The following SERTAD2 variants were observed in gnomAD, a reference collection of about 807,000 sequenced individuals.
The protein encoded by SERTAD2 is SERTA domain containing 2.
A neutral mutation model predicts 15.4 loss-of-function variants in SERTAD2; 2 were observed. That is an observed-to-expected ratio of 0.13 (90% CI 0.05 to 0.41). SERTAD2 has a LOEUF of 0.41. Ranked by LOEUF, SERTAD2 falls within the 10% of genes least tolerant of loss-of-function variation. The pLI is 0.99. For synonymous variants in SERTAD2, 180 were observed against 178.0 expected, an observed-to-expected ratio of 1.01 and a Z score of -0.09; for missense variants, 333 against 409.7, an observed-to-expected ratio of 0.81 and a Z score of 1.62.
chr2:64,633,746 G>C lies in SERTAD2; in HGVS notation c.*2181C>G, dbSNP rs917416692. 6.6e-6 allele frequency: 1 copy of C among 152,226 alleles called. No individual in the cohort carries two copies. Among genetic ancestry groups the C allele is most frequent in the African/African-American group, 2.4e-5 (1 of 41,458 alleles). 9.4% of individuals were successfully genotyped at this position (152,226 alleles called of 1,614,324 possible). Reference sequence around the variant, plus strand: ...TATTAAAGGAAATGACACACCTGTAGCAGTACGAGGTGTCTGCGTGGAGGT... The same window carrying C: ...TATTAAAGGAAATGACACACCTGTACCAGTACGAGGTGTCTGCGTGGAGGT... On this transcript the variant is annotated 3_prime_UTR_variant, in exon 2 of 2. Coordinates refer to ENST00000313349, the MANE Select transcript of SERTAD2 (RefSeq NM_014755.3).
At chr2:64,652,666 C>T (rs1028586890) in intron 1 of SERTAD2, among the ~76,000 whole-genome samples, 2 of 152,320 alleles carry the variant, frequency 1.3e-5, no homozygotes, top group South Asian at 4.1e-4. Context: ...CTGTCTCACT[C>T]TGCTGACTGT....
intron 1 of SERTAD2, among the ~76,000 whole-genome samples, chr2:64,649,547 G>A (rs1674969400): frequency 2.0e-5 from 3 of 152,168 alleles, no homozygotes; most frequent in African/African-American, 7.2e-5. Flanking sequence ...CTTAGAGAAT[G>A]CTTAGCTTCT....
intron 1 of SERTAD2, among the ~76,000 whole-genome samples, chr2:64,648,909 A>G (rs760617243): frequency 6.6e-6 from 1 of 152,166 alleles, no homozygotes; most frequent in Non-Finnish European, 1.5e-5. Context: ...GCAGAGAGGC[A>G]GAGCAAAAAT....
At chr2:64,638,853 T>G (rs1456212078) in intron 1 of SERTAD2, among the ~76,000 whole-genome samples, 1 of 152,252 alleles carries the variant, frequency 6.6e-6, no homozygotes, top group Non-Finnish European at 1.5e-5. Flanking sequence ...TGTATTTACT[T>G]TGCATAGAAC....
intron 1 of SERTAD2, among the ~76,000 whole-genome samples, chr2:64,646,250 CT>C (rs1395452568): frequency 6.6e-6 from 1 of 152,194 alleles, no homozygotes; most frequent in Non-Finnish European, 1.5e-5. Flanking sequence ...GCTTTGTACT[CT>C]TCCTTTTACT....
At chr2:64,647,242 A>G (rs1263059353) in intron 1 of SERTAD2, among the ~76,000 whole-genome samples, 2 of 152,208 alleles carry the variant, frequency 1.3e-5, no homozygotes, top group African/African-American at 2.4e-5. Context: ...AAATGTTATA[A>G]TGAGTCTCCA....
At chr2:64,641,448 A>G (rs182666727) in intron 1 of SERTAD2, among the ~76,000 whole-genome samples, 34 of 152,334 alleles carry the variant, frequency 2.2e-4, no homozygotes, top group Admixed American at 1.1e-3. Flanking sequence ...TTGTCTCTTC[A>G]TATCTGTTTC....
chr2:64,641,476 G>A (rs1558653704), intron 1 of SERTAD2, among the ~76,000 whole-genome samples: 1 of 152,270 alleles, frequency 6.6e-6, no homozygotes, highest in East Asian at 1.9e-4. Flanking sequence ...AAGATAGTGA[G>A]CCCCCTAGGG....
intron 1 of SERTAD2, among the ~76,000 whole-genome samples, chr2:64,652,729 G>A (rs1861402): frequency 0.91 from 139,143 of 152,232 alleles, 63,672 homozygotes; most frequent in African/African-American, 0.94. Context: ...GAAACGACTC[G>A]GCTTGCAAGC....
At chr2:64,637,044 A>G (rs935108525) in intron 1 of SERTAD2, among the ~76,000 whole-genome samples, 169 bp from the exon 2 acceptor site, 6 of 152,222 alleles carry the variant, frequency 3.9e-5, no homozygotes, top group African/African-American at 7.2e-5. Flanking sequence ...ACCTTTTACA[A>G]TAAGAGAGAG....
Position 64,634,294 on chromosome 2 carries a change from T to A in SERTAD2, c.*1633A>T, listed in dbSNP as rs1217757235. ...TAAACAGTTTCGGCAACAAGCATGA[T>A]ACATTGCAACCTTTTTAAAATTAAA... On this transcript the variant is annotated 3_prime_UTR_variant, in exon 2 of 2. Coordinates refer to ENST00000313349, the MANE Select transcript of SERTAD2 (RefSeq NM_014755.3). 6.8e-6 allele frequency: 1 copy of A among 147,380 alleles called. No individual in the cohort carries two copies. The highest frequency in any genetic ancestry group is 1.5e-5 in the Non-Finnish European group (1 of 67,594). 9.1% of individuals were successfully genotyped at this position (147,380 alleles called of 1,614,324 possible).
At chr2:64,641,364 T>A (rs954986318) in intron 1 of SERTAD2, among the ~76,000 whole-genome samples, 3 of 152,320 alleles carry the variant, frequency 2.0e-5, no homozygotes, top group Admixed American at 1.3e-4. Flanking sequence ...GAGAGATTAC[T>A]GTGGGCTGGG....
chr2:64,651,227 G>T (rs1675002475), intron 1 of SERTAD2, among the ~76,000 whole-genome samples: 1 of 152,110 alleles, frequency 6.6e-6, no homozygotes, highest in Admixed American at 6.5e-5. Context: ...CACAGCAAAA[G>T]AAACCTCTCA....
At chr2:64,638,216 T>C (rs1031164661) in intron 1 of SERTAD2, among the ~76,000 whole-genome samples, 4 of 152,230 alleles carry the variant, frequency 2.6e-5, no homozygotes, top group Non-Finnish European at 4.4e-5. Flanking sequence ...ATTTCTCTTC[T>C]AAATGCCACT....
At chr2:64,641,803 T>C (rs1300026155) in intron 1 of SERTAD2, among the ~76,000 whole-genome samples, 1 of 152,134 alleles carries the variant, frequency 6.6e-6, no homozygotes, top group Non-Finnish European at 1.5e-5. Context: ...GCAGGAAAGC[T>C]CCAGCTGAGA....
At chr2:64,645,547 T>G (rs536598120) in intron 1 of SERTAD2, among the ~76,000 whole-genome samples, 1 of 152,242 alleles carries the variant, frequency 6.6e-6, no homozygotes, top group Admixed American at 6.5e-5. Context: ...TCCTATTAAA[T>G]TGAAGGCAAT....
chr2:64,650,942 G>A (rs1051549435), intron 1 of SERTAD2, among the ~76,000 whole-genome samples: 11 of 152,150 alleles, frequency 7.2e-5, no homozygotes, highest in South Asian at 2.1e-4. Context: ...AATCAGAGAC[G>A]GCGCCTGCGC....
intron 1 of SERTAD2, among the ~76,000 whole-genome samples, chr2:64,638,361 A>G (rs1255464032): frequency 1.3e-5 from 2 of 152,266 alleles, no homozygotes; most frequent in Non-Finnish European, 2.9e-5. Context: ...GGCCTTCAAG[A>G]GGCTAAATAG....
intron 1 of SERTAD2, among the ~76,000 whole-genome samples, chr2:64,645,735 T>C (rs1443649980): frequency 6.6e-6 from 1 of 152,230 alleles, no homozygotes; most frequent in Non-Finnish European, 1.5e-5. Flanking sequence ...GGAAAGAGAA[T>C]AGGCTTTTTA....
Sources: gnomAD v4.1 joint callset for allele counts (sites outside exome capture counted in the v4.1 genomes callset) on GRCh38, gnomAD v4.1.1 for gene constraint, MANE v1.5 for transcripts, NCBI Gene and HGNC (gene_info 2026-07-23, HGNC 2026-07-21) for gene names.